The following SLC12A1 variants were observed in gnomAD, a reference collection of about 807,000 sequenced individuals.
SLC12A1 encodes solute carrier family 12 member 1, also known as Na-K-2Cl cotransporter.
A neutral mutation model predicts 130.4 loss-of-function variants in SLC12A1; 89 were observed. That is an observed-to-expected ratio of 0.68 (90% CI 0.58 to 0.81). The LOEUF is 0.81. SLC12A1 is among the 40% of genes least tolerant of loss of function. SLC12A1 has a pLI of 0.00. For missense variants in SLC12A1, 1,310 were observed against 1,336.4 expected, an observed-to-expected ratio of 0.98 and a Z score of 0.31; for synonymous variants, 499 against 460.0, an observed-to-expected ratio of 1.08 and a Z score of -1.09.
At chr15:48,286,105 C>T (rs933585570) in intron 21 of SLC12A1, among the ~76,000 whole-genome samples, 2 of 152,160 alleles carry the variant, frequency 1.3e-5, no homozygotes, top group South Asian at 2.1e-4. Context: ...CTAGGTTGAC[C>T]GGCGCCAACC....
intron 20 of SLC12A1, among the ~76,000 whole-genome samples, chr15:48,282,590 A>C (rs1421881682): frequency 6.6e-6 from 1 of 152,078 alleles, no homozygotes; most frequent in Admixed American, 6.6e-5. Context: ...TGGCCCCTGC[A>C]ATACCCCAGA....
chr15:48,259,359 C>T (rs780535752), intron 17 of SLC12A1, 48 bp downstream of exon 17: 5 of 1,254,914 alleles, frequency 4.0e-6, no homozygotes, highest in South Asian at 3.6e-5. Flanking sequence ...CCCTGCTTAT[C>T]TTGGATTATT....
chr15:48,272,767 T>C lies in SLC12A1; in HGVS notation c.2403-1804T>C, dbSNP rs373140817. 1.9e-4 allele frequency among the ~76,000 whole-genome samples: 29 copies of C among 152,068 alleles called. No homozygotes were observed. In the East Asian group the frequency reaches 2.1e-3, roughly 11 times the overall value. ...TTAATTAGAATTTGTATATATTAGT[T>C]TTCAATGGCTGCCAATAACAAATTA... On this transcript the variant is annotated intron_variant, in intron 19 of 26. Coordinates refer to ENST00000380993, the MANE Select transcript of SLC12A1 (RefSeq NM_000338.3).
chr15:48,266,490 T>G (rs1040216893), intron 17 of SLC12A1, among the ~76,000 whole-genome samples: 2 of 150,894 alleles, frequency 1.3e-5, no homozygotes, highest in Non-Finnish European at 2.9e-5. Flanking sequence ...CTCTCCAATC[T>G]AAGACCCTTT....
At chr15:48,230,903 T>C (rs745887463) in intron 7 of SLC12A1, among the ~76,000 whole-genome samples, 17 of 152,336 alleles carry the variant, frequency 1.1e-4, no homozygotes, top group Middle Eastern at 3.4e-3. Context: ...GCAAAAACTA[T>C]CATTCTCATC....
chr15:48,291,819 A>G lies in SLC12A1; in HGVS notation c.2915A>G (p.Asp972Gly). ...LLSKFRIKFA[D>G]IHIIGDINIR... ...AGCAAATTTAGGATAAAATTTGCAGACATCCATATCATCGGTGACATCAAC... is the reference window on the plus strand; with the variant it reads ...AGCAAATTTAGGATAAAATTTGCAGGCATCCATATCATCGGTGACATCAAC... The change falls in exon 24 of 27, where the codon GAC becomes GGC. Residue 972 changes from aspartate to glycine, a missense_variant. Physicochemically the swap from Asp to Gly is moderately conservative, Grantham distance 94. Coordinates refer to ENST00000380993, the MANE Select transcript of SLC12A1 (RefSeq NM_000338.3). 1.3e-6 allele frequency: 2 copies of G among 1,572,284 alleles called. No individual in the cohort carries two copies. Among genetic ancestry groups the G allele is most frequent in the South Asian group, 1.2e-5 (1 of 85,224 alleles).
intron 13 of SLC12A1, among the ~76,000 whole-genome samples, chr15:48,249,026 G>A (rs1433454472): frequency 6.6e-6 from 1 of 152,138 alleles, no homozygotes; most frequent in Non-Finnish European, 1.5e-5. Context: ...GGTGACAAGA[G>A]CTAGACTCTA....
intron 19 of SLC12A1, among the ~76,000 whole-genome samples, chr15:48,271,790 A>G (rs533275996): frequency 6.6e-6 from 1 of 152,310 alleles, no homozygotes; most frequent in East Asian, 1.9e-4. Flanking sequence ...GAATTTTACC[A>G]GCCTCAGCAA....
intron 20 of SLC12A1, among the ~76,000 whole-genome samples, chr15:48,276,783 C>T (rs78007670): frequency 0.027 from 4,107 of 151,912 alleles, 162 homozygotes; most frequent in East Asian, 0.11. Flanking sequence ...GCCAAGGACT[C>T]GAAAGTGTAG....
At chr15:48,250,111 T>C (rs2041629642) in intron 14 of SLC12A1, among the ~76,000 whole-genome samples, 1 of 152,222 alleles carries the variant, frequency 6.6e-6, no homozygotes, top group Non-Finnish European at 1.5e-5. Flanking sequence ...GGAGGCAATG[T>C]AGACAGGCTG....
chr15:48,282,538 T>C (rs1278066107), intron 20 of SLC12A1, among the ~76,000 whole-genome samples: 2 of 151,878 alleles, frequency 1.3e-5, no homozygotes, highest in Admixed American at 1.3e-4. Flanking sequence ...GCCCTTACAG[T>C]TGCCACATCA....
chr15:48,270,659 A>T, intron 19 of SLC12A1, among the ~76,000 whole-genome samples: 1 of 136,956 alleles, frequency 7.3e-6, no homozygotes, highest in Non-Finnish European at 1.5e-5. Flanking sequence ...TATATATATT[A>T]TATACTCCAA....
Position 48,303,581 on chromosome 15 carries a change from A to T in SLC12A1, c.*696A>T, listed in dbSNP as rs1294859264. The T allele has an allele frequency of 6.6e-6, 1 of 152,252 alleles. No homozygotes were observed. The highest frequency in any genetic ancestry group is 1.5e-5 in the Non-Finnish European group (1 of 68,044). The allele number at this position is 152,252 out of a possible 1,614,324, so 9.4% of individuals were successfully genotyped here. A position where few individuals can be genotyped will look rare whatever the true frequency, so the allele number is the denominator to read the frequency against. On this transcript the variant is annotated 3_prime_UTR_variant, in exon 27 of 27. Coordinates refer to ENST00000380993, the MANE Select transcript of SLC12A1 (RefSeq NM_000338.3). ...GCTGCCTGAAAAGTATATTAACTAGATTAGAAGACACCATATACTCCAATA... is the reference window on the plus strand; with the variant it reads ...GCTGCCTGAAAAGTATATTAACTAGTTTAGAAGACACCATATACTCCAATA...
chr15:48,260,532 G>A (rs549223041), intron 17 of SLC12A1, among the ~76,000 whole-genome samples: 29 of 152,280 alleles, frequency 1.9e-4, no homozygotes, highest in Admixed American at 1.3e-4. Flanking sequence ...AAGTAGCCCT[G>A]TTCCCATTTT....
intron 8 of SLC12A1, among the ~76,000 whole-genome samples, chr15:48,234,559 A>G (rs952484788): frequency 6.6e-6 from 1 of 152,206 alleles, no homozygotes; most frequent in South Asian, 2.1e-4. Flanking sequence ...CCTGGCCCAC[A>G]TGGTGAAACC....
At chr15:48,246,775 C>G in intron 11 of SLC12A1, 134 bp from the exon 12 acceptor site, 2 of 678,294 alleles carry the variant, frequency 2.9e-6, no homozygotes, top group East Asian at 5.5e-5. Flanking sequence ...GCGAGACTGT[C>G]TCAAACAAAC....
chr15:48,245,162 G>A (rs2041563315), intron 11 of SLC12A1, among the ~76,000 whole-genome samples: 1 of 152,204 alleles, frequency 6.6e-6, no homozygotes, highest in South Asian at 2.1e-4. Flanking sequence ...GGCACTATGT[G>A]TGTTCCGATC....
chr15:48,245,738 C>T (rs188774116), intron 11 of SLC12A1, among the ~76,000 whole-genome samples: 37 of 152,214 alleles, frequency 2.4e-4, no homozygotes, highest in Non-Finnish European at 4.7e-4. Flanking sequence ...ATACAGATGC[C>T]TGGATCTTTT....
chr15:48,221,581 C>A, intron 4 of SLC12A1: 1 of 434,734 alleles, frequency 2.3e-6, no homozygotes, highest in Non-Finnish European at 4.0e-6. Flanking sequence ...TTATTTTTTT[C>A]TAAATGAAAA....
Sources: gnomAD v4.1 joint callset for allele counts (sites outside exome capture counted in the v4.1 genomes callset) on GRCh38, gnomAD v4.1.1 for gene constraint, MANE v1.5 for transcripts, NCBI Gene and HGNC (gene_info 2026-07-23, HGNC 2026-07-21) for gene names.